The following LMNTD1 variants were observed in gnomAD, a reference collection of about 807,000 sequenced individuals.
LMNTD1 encodes lamin tail domain containing 1, also known as lamin tail domain-containing protein 1.
LMNTD1 carries 35 observed loss-of-function variants against 50.9 expected under a neutral mutation model. The observed-to-expected ratio is 0.69, with a 90% confidence interval of 0.53 to 0.91. The LOEUF is 0.91. Ranked by LOEUF, LMNTD1 falls within the 40% of genes least tolerant of loss-of-function variation. The pLI is 0.00. For missense variants in LMNTD1, 470 were observed against 475.5 expected (o/e 0.99, Z 0.11); for synonymous variants, 153 against 161.9 (o/e 0.94, Z 0.42).
At chr12:25,538,198 A>G (rs11559795) in intron 4 of LMNTD1, among the ~76,000 whole-genome samples, 752 of 54,848 alleles carry the variant, frequency 0.014, 2 homozygotes, top group East Asian at 0.02. Context: ...GCAGGCCAAC[A>G]TTCAGATTCA....
At chr12:25,503,892 A>C in intron 8 of LMNTD1, 92 bp from the exon 9 acceptor site, 1 of 645,090 alleles carries the variant, frequency 1.6e-6, no homozygotes, top group East Asian at 2.9e-5. Flanking sequence ...TGATTTTTCC[A>C]TGTTAAAACA....
chr12:25,549,623 T>C, intron 2 of LMNTD1, 77 bp from the exon 3 acceptor site: 4 of 733,660 alleles, frequency 5.5e-6, no homozygotes, highest in Non-Finnish European at 8.3e-6. Context: ...CATGGGCTAT[T>C]ATTATTACCC....
At chr12:25,560,410 T>G (rs1373516515) in intron 1 of LMNTD1, among the ~76,000 whole-genome samples, 2 of 152,224 alleles carry the variant, frequency 1.3e-5, no homozygotes, top group African/African-American at 4.8e-5. Flanking sequence ...ATATCTCTGT[T>G]TTGGTACCAG....
intron 1 of LMNTD1, among the ~76,000 whole-genome samples, chr12:25,559,707 G>T (rs1285361576): frequency 3.3e-5 from 5 of 152,170 alleles, no homozygotes; most frequent in Admixed American, 3.3e-4. Context: ...TCCAGAACCT[G>T]TTGTTTCCTG....
At chr12:25,479,727 C>T (rs7965896) in intron 9 of LMNTD1, among the ~76,000 whole-genome samples, 28,282 of 152,160 alleles carry the variant, frequency 0.19, 2,821 homozygotes, top group Middle Eastern at 0.25. Context: ...GATAGGCAAA[C>T]TCATATCTGG....
intron 1 of LMNTD1, among the ~76,000 whole-genome samples, chr12:25,615,178 C>T (rs1289678342): frequency 6.6e-6 from 1 of 151,992 alleles, no homozygotes; most frequent in Non-Finnish European, 1.5e-5. Context: ...TTCTTGCTCA[C>T]GAGATGAGAG....
intron 1 of LMNTD1, among the ~76,000 whole-genome samples, chr12:25,568,910 C>T (rs768438994): frequency 8.8e-4 from 134 of 152,224 alleles, no homozygotes; most frequent in Non-Finnish European, 1.2e-3. Flanking sequence ...TAGAAGCCTG[C>T]CACATGGGAG....
chr12:25,624,400 A>C (rs1220419004), intron 1 of LMNTD1, among the ~76,000 whole-genome samples: 1 of 152,204 alleles, frequency 6.6e-6, no homozygotes, highest in East Asian at 1.9e-4. Flanking sequence ...CCCATTCCAT[A>C]ACTGTGATAT....
At chr12:25,599,312 G>A (rs528406232) in intron 1 of LMNTD1, among the ~76,000 whole-genome samples, 19 of 151,858 alleles carry the variant, frequency 1.3e-4, no homozygotes, top group African/African-American at 4.1e-4. Flanking sequence ...ATACCTAAAC[G>A]TAATAAAAGC....
intron 1 of LMNTD1, among the ~76,000 whole-genome samples, chr12:25,590,210 C>T (rs1464916000): frequency 6.6e-6 from 1 of 152,184 alleles, no homozygotes; most frequent in African/African-American, 2.4e-5. Context: ...TTCCTGGCAG[C>T]AGCAGTGTGG....
intron 9 of LMNTD1, among the ~76,000 whole-genome samples, chr12:25,502,186 G>A (rs150641390): frequency 1.5e-3 from 224 of 152,186 alleles, no homozygotes; most frequent in African/African-American, 5.3e-3. Context: ...TATCCAATGG[G>A]ATGATTCAGA....
intron 1 of LMNTD1, among the ~76,000 whole-genome samples, chr12:25,579,911 C>T (rs1317522095): frequency 1.3e-5 from 2 of 152,108 alleles, no homozygotes; most frequent in Non-Finnish European, 2.9e-5. Context: ...TCTATTGTAC[C>T]CCACAAATTA....
At chr12:25,638,499 AG>A (rs1236783220) in intron 1 of LMNTD1, among the ~76,000 whole-genome samples, 1 of 152,102 alleles carries the variant, frequency 6.6e-6, no homozygotes, top group Non-Finnish European at 1.5e-5. Flanking sequence ...ATAGGATAAA[AG>A]ATTAATATAC....
At chr12:25,648,430 A>G in intron 1 of LMNTD1, 1 of 1,334,328 alleles carries the variant, frequency 7.5e-7, no homozygotes, top group South Asian at 1.3e-5. Context: ...TTAGTATAAA[A>G]AGGAAATGAG....
chr12:25,511,283 G>A (rs944103599), intron 8 of LMNTD1, among the ~76,000 whole-genome samples: 4 of 152,150 alleles, frequency 2.6e-5, no homozygotes, highest in Non-Finnish European at 5.9e-5. Flanking sequence ...TTTTAAGTAA[G>A]AGAAGAAATG....
At chr12:25,634,525 C>A (rs750802496) in intron 1 of LMNTD1, among the ~76,000 whole-genome samples, 2 of 152,162 alleles carry the variant, frequency 1.3e-5, no homozygotes, top group Non-Finnish European at 2.9e-5. Flanking sequence ...GATGGTTTAA[C>A]AGACGCAAGT....
At chr12:25,479,291 C>A (rs935397867) in intron 9 of LMNTD1, among the ~76,000 whole-genome samples, 12 of 152,100 alleles carry the variant, frequency 7.9e-5, no homozygotes, top group Non-Finnish European at 1.6e-4. Flanking sequence ...GAATAGGAAT[C>A]AAAAATTTTG....
At chr12:25,557,695 T>C (rs899959918), upstream of LMNTD1, among the ~76,000 whole-genome samples, 10 of 152,336 alleles carry the variant, frequency 6.6e-5, no homozygotes, top group Admixed American at 2.0e-4. Context: ...AATACATTTA[T>C]TTCACCTATA....
intron 1 of LMNTD1, among the ~76,000 whole-genome samples, chr12:25,588,747 G>C (rs922429362): frequency 2.0e-5 from 3 of 152,018 alleles, no homozygotes; most frequent in Non-Finnish European, 4.4e-5. Context: ...ACTGTACATA[G>C]ATGTTTTATG....
Sources: allele counts gnomAD v4.1 joint callset (sites outside exome capture counted in the v4.1 genomes callset), GRCh38; gene constraint gnomAD v4.1.1; transcripts MANE v1.5; gene names NCBI Gene and HGNC (gene_info 2026-07-23, HGNC 2026-07-21).